The following SYNE1 variants were observed in gnomAD, a reference collection of about 807,000 sequenced individuals.
The protein encoded by SYNE1 is nesprin-1.
In SYNE1, 616 loss-of-function variants were observed where a neutral mutation model predicts 1,111.0. That is an observed-to-expected ratio of 0.55 (90% confidence interval 0.52 to 0.59). The LOEUF (loss-of-function observed/expected upper bound fraction) is 0.59, where lower values mean the gene tolerates loss of function less well. Ranked by LOEUF, SYNE1 falls within the 20% of genes least tolerant of loss-of-function variation. The probability of loss-of-function intolerance (pLI) is 0.00; values close to 1 mark genes in which losing one functional copy is unlikely to be tolerated. For synonymous variants in SYNE1, 3,855 were observed against 3,825.8 expected (o/e 1.01, Z -0.28); for missense variants, 10,006 against 10,417.0 (o/e 0.96, Z 1.72).
chr6:152,597,884 G>A (rs1482405521), intron 3 of SYNE1, among the ~76,000 whole-genome samples: 3 of 151,952 alleles, frequency 2.0e-5, no homozygotes, highest in Admixed American at 2.0e-4. Flanking sequence ...TTTATATCAT[G>A]ATGATTTTTA....
chr6:152,196,940 A>G (rs1350085326), intron 127 of SYNE1, among the ~76,000 whole-genome samples: 2 of 152,258 alleles, frequency 1.3e-5, no homozygotes, highest in Middle Eastern at 3.4e-3. Context: ...TGCTTGTCAA[A>G]ACTCAGATTC....
chr6:152,255,789 T>C (rs776192392), intron 102 of SYNE1, 43 bp from the exon 103 acceptor site: 1 of 1,612,190 alleles, frequency 6.2e-7, no homozygotes, highest in Admixed American at 1.7e-5. Context: ...TTTCAGTGTT[T>C]TGAAAATCCA....
At chr6:152,352,409 T>C in intron 69 of SYNE1, 56 bp from the exon 70 acceptor site, 1 of 856,476 alleles carries the variant, frequency 1.2e-6, no homozygotes, top group Non-Finnish European at 1.5e-6. Flanking sequence ...CTTTTCTTTC[T>C]TTTTTTTTTT....
intron 128 of SYNE1, among the ~76,000 whole-genome samples, chr6:152,186,556 C>CAAAAAAAAAAA (rs59187571): frequency 3.9e-4 from 15 of 38,038 alleles, no homozygotes; most frequent in Admixed American, 9.1e-4. Context: ...AGCTCTGTGT[C>CAAAAAAAAAAA]AAAAAAAAAA....
chr6:152,567,049 C>T (rs1198522886), intron 3 of SYNE1, among the ~76,000 whole-genome samples: 1 of 151,264 alleles, frequency 6.6e-6, no homozygotes, highest in African/African-American at 2.4e-5. Flanking sequence ...ACTGTATACC[C>T]TTTGTCCCCC....
chr6:152,150,138 T>C (rs1187492589), intron 135 of SYNE1, among the ~76,000 whole-genome samples: 2 of 152,254 alleles, frequency 1.3e-5, no homozygotes, highest in Non-Finnish European at 2.9e-5. Flanking sequence ...CCACGCCTTC[T>C]TCTCAGGTGA....
At chr6:152,375,052 T>G (rs2097256503) in intron 58 of SYNE1, among the ~76,000 whole-genome samples, 1 of 151,988 alleles carries the variant, frequency 6.6e-6, no homozygotes, top group East Asian at 1.9e-4. Context: ...GCAATTCTCC[T>G]GTCTCAGCCT....
chr6:152,528,168 C>T (rs995662677), intron 4 of SYNE1, among the ~76,000 whole-genome samples: 2 of 152,164 alleles, frequency 1.3e-5, no homozygotes, highest in East Asian at 3.8e-4. Flanking sequence ...ACCACTCAAT[C>T]CTGAGTCCTT....
intron 127 of SYNE1, among the ~76,000 whole-genome samples, chr6:152,198,615 A>G (rs986052023): frequency 6.6e-6 from 1 of 152,150 alleles, no homozygotes; most frequent in Admixed American, 6.5e-5. Context: ...ATTTTTTTCA[A>G]TTGAACACTC....
At chr6:152,550,615 C>T (rs565742359) in intron 3 of SYNE1, among the ~76,000 whole-genome samples, 1 of 150,810 alleles carries the variant, frequency 6.6e-6, no homozygotes, top group South Asian at 2.1e-4. Context: ...CTTGGATGGG[C>T]CTCAGTTTTG....
rs572591326 is a variant in SYNE1, at chr6:152,176,412, A to G, written c.23609T>C (p.Leu7870Pro). The change falls in exon 130 of 146, where the codon CTG becomes CCG. Residue 7870 changes from leucine to proline, a missense_variant. This residue lies in a region of SYNE1 where 2,182 missense variants were observed against 2,287.8 expected (regional missense o/e 0.95). Transcript: ENST00000367255. ...GKVNDRWQHL[L>P]DLIAARVKKL... ...TCTTTACCTGGCTGCAATGAGGTCC[A>G]GGAGATGCTGCCACCGGTCGTTGAC... is the stretch of plus-strand genomic sequence containing the variant. 2 of 1,614,142 alleles carry G rather than the reference A, an allele frequency of 1.2e-6. No homozygotes were observed. The highest frequency in any genetic ancestry group is 2.2e-5 in the South Asian group (2 of 91,080).
chr6:152,339,116 G>A, intron 75 of SYNE1, 125 bp downstream of exon 75: 2 of 1,254,670 alleles, frequency 1.6e-6, no homozygotes, highest in Non-Finnish European at 1.1e-6. Flanking sequence ...TATTATAATG[G>A]CTGTAGAACC....
intron 100 of SYNE1, 85 bp from the exon 101 acceptor site, chr6:152,262,273 C>T: frequency 8.0e-7 from 1 of 1,256,784 alleles, no homozygotes; most frequent in Non-Finnish European, 1.2e-6. Context: ...CCAGACCTGG[C>T]TTCTCAAATG....
In SYNE1 at chr6:152,517,412, G is replaced by A. The variant is rs541356527; in HGVS notation, c.309+3047C>T. Among the ~76,000 whole-genome samples, 3 of 152,302 alleles carry A rather than the reference G, an allele frequency of 2.0e-5. No homozygotes were observed. The South Asian group carries it at 6.2e-4, about 32-fold the overall frequency. On this transcript the variant is annotated intron_variant, in intron 6 of 145. Transcript: ENST00000367255. Reference sequence around the variant, plus strand: ...AGAGGATTGGTGCAACCCTTTTGGAGGGAAATATGGTAATATCTACCAGAA... The same window carrying A: ...AGAGGATTGGTGCAACCCTTTTGGAAGGAAATATGGTAATATCTACCAGAA...
intron 55 of SYNE1, among the ~76,000 whole-genome samples, chr6:152,383,932 G>C (rs1280435171): frequency 6.6e-6 from 1 of 152,134 alleles, no homozygotes; most frequent in East Asian, 1.9e-4. Flanking sequence ...GGTGGTAATA[G>C]TCCTGTGGAT....
intron 2 of SYNE1, among the ~76,000 whole-genome samples, chr6:152,632,743 G>A (rs1337778664): frequency 6.6e-6 from 1 of 152,132 alleles, no homozygotes; most frequent in East Asian, 1.9e-4. Context: ...GTAAAATGAG[G>A]TATACTTATG....
intron 105 of SYNE1, among the ~76,000 whole-genome samples, 171 bp downstream of exon 105, chr6:152,248,988 AAC>A (rs1401864658): frequency 8.5e-5 from 13 of 152,220 alleles, no homozygotes; most frequent in Non-Finnish European, 1.3e-4. Flanking sequence ...AGATGTAAGT[AAC>A]AGAGTCAATG....
Position 152,321,222 on chromosome 6 carries a change from T to C in SYNE1, c.16236+16A>G, listed in dbSNP as rs1257474862. On this transcript the variant is annotated intron_variant, in intron 84 of 145. Transcript: ENST00000367255. ...AAACAAAATGGAAAGACACTCTTTCTTGATCATAGGTTTACCTGATCTCGG... is the reference window on the plus strand; with the variant it reads ...AAACAAAATGGAAAGACACTCTTTCCTGATCATAGGTTTACCTGATCTCGG... The C allele has an allele frequency of 6.2e-7, 1 of 1,613,266 alleles. No homozygotes were observed. Among genetic ancestry groups the C allele is most frequent in the Non-Finnish European group, 8.5e-7 (1 of 1,179,676 alleles).
intron 3 of SYNE1, among the ~76,000 whole-genome samples, chr6:152,551,187 A>C (rs150938629): frequency 6.6e-6 from 1 of 152,156 alleles, no homozygotes; most frequent in Non-Finnish European, 1.5e-5. Context: ...CAGCACTTGA[A>C]CTTATTCATG....
Sources: allele counts gnomAD v4.1 joint callset (sites outside exome capture counted in the v4.1 genomes callset), GRCh38; gene constraint gnomAD v4.1.1; regional missense constraint gnomAD v4.1.1; transcripts MANE v1.5; gene names NCBI Gene and HGNC (gene_info 2026-07-23, HGNC 2026-07-21).